Variants in NCKAP5 observed in about 807,000 individuals in gnomAD.
The protein encoded by NCKAP5 is nck-associated protein 5.
In NCKAP5, 92 loss-of-function variants were observed where a neutral mutation model predicts 167.0. The ratio of observed to expected loss-of-function variants is 0.55; its 90% CI spans 0.47 to 0.66. The LOEUF (loss-of-function observed/expected upper bound fraction) is 0.66, where lower values mean the gene tolerates loss of function less well. Among genes scored for constraint, NCKAP5 ranks in the 30% least tolerant of loss-of-function variants. The probability of loss-of-function intolerance (pLI) is 0.00; values close to 1 mark genes in which losing one functional copy is unlikely to be tolerated. For synonymous variants in NCKAP5, 891 were observed against 877.4 expected (o/e 1.02, Z -0.27); for missense variants, 2,378 against 2,315.0 (o/e 1.03, Z -0.56).
At position 133,429,707 on chromosome 2, in the gene NCKAP5, A is replaced by G. The variant is rs539027670; in HGVS notation, c.69+87751T>C. On this transcript the variant is annotated intron_variant, in intron 3 of 19. Transcript: ENST00000409261. ...TTATGTACCACATTTTATTTACCCA[A>G]TCCACCGTTGATGGGCACCTAGGTT... Among the ~76,000 whole-genome samples, 5 of 152,156 alleles carry G rather than the reference A, an allele frequency of 3.3e-5. No individual in the cohort carries two copies. The East Asian group carries it at 7.7e-4, about 23-fold the overall frequency.
chr2:132,786,438 CATAT>C (rs1359882565), intron 13 of NCKAP5, among the ~76,000 whole-genome samples: 1 of 152,190 alleles, frequency 6.6e-6, no homozygotes, highest in Non-Finnish European at 1.5e-5. Flanking sequence ...TACACTCATA[CATAT>C]ACACATACAC....
At chr2:133,389,395 C>T (rs111273455) in intron 3 of NCKAP5, among the ~76,000 whole-genome samples, 45 of 152,316 alleles carry the variant, frequency 3.0e-4, no homozygotes, top group African/African-American at 1.0e-3. Flanking sequence ...TGTCACACCT[C>T]ATAATTTGAG....
chr2:132,781,374 C>G, intron 14 of NCKAP5, 145 bp from the exon 15 acceptor site: 3 of 654,600 alleles, frequency 4.6e-6, no homozygotes, highest in Admixed American at 3.5e-5. Context: ...TCTCATGGGC[C>G]TTGATCAAAT....
At chr2:133,190,289 G>A (rs1180723702) in intron 5 of NCKAP5, among the ~76,000 whole-genome samples, 1 of 152,128 alleles carries the variant, frequency 6.6e-6, no homozygotes, top group Non-Finnish European at 1.5e-5. Flanking sequence ...ACAAACAAAT[G>A]GAAGAACATT....
chr2:133,606,323 C>G, the NCKAP5 span, among the ~76,000 whole-genome samples: 1 of 152,124 alleles, frequency 6.6e-6, no homozygotes, highest in African/African-American at 2.4e-5. Context: ...AAATAAGTTT[C>G]CTACTTTACT....
chr2:133,398,860 G>T (rs1687919470), intron 3 of NCKAP5, among the ~76,000 whole-genome samples: 1 of 152,104 alleles, frequency 6.6e-6, no homozygotes, highest in South Asian at 2.1e-4. Context: ...GGCCCGACAG[G>T]GTTTAAACAC....
At chr2:133,516,855 G>T (rs1684044609) in intron 3 of NCKAP5, among the ~76,000 whole-genome samples, 1 of 152,234 alleles carries the variant, frequency 6.6e-6, no homozygotes, top group Non-Finnish European at 1.5e-5. Context: ...TGTTGGCCCA[G>T]AGACTGCAGA....
chr2:132,867,925 T>C (rs936068343), intron 10 of NCKAP5, among the ~76,000 whole-genome samples: 1 of 152,206 alleles, frequency 6.6e-6, no homozygotes, highest in African/African-American at 2.4e-5. Flanking sequence ...TGGAAGCAGT[T>C]AAAATTATTT....
At chr2:133,338,913 G>A (rs560650429) in intron 3 of NCKAP5, among the ~76,000 whole-genome samples, 8 of 152,222 alleles carry the variant, frequency 5.3e-5, no homozygotes, top group South Asian at 2.1e-4. Flanking sequence ...CCAGATACTC[G>A]GGAGGCTGAG....
At chr2:132,703,688 G>C (rs758254031) in intron 19 of NCKAP5, among the ~76,000 whole-genome samples, 12 of 152,062 alleles carry the variant, frequency 7.9e-5, no homozygotes, top group Non-Finnish European at 1.5e-4. Context: ...TTACTGACTG[G>C]GTCATTCATT....
Position 133,434,103 on chromosome 2 carries a change from C to A in NCKAP5, c.69+83355G>T, listed in dbSNP as rs543116960. Among the ~76,000 whole-genome samples, 3 of 150,626 alleles carry A rather than the reference C, an allele frequency of 2.0e-5. No homozygotes were observed. In the East Asian group the frequency reaches 5.8e-4, roughly 29 times the overall value. The stretch of plus-strand genomic sequence containing the variant: ...CACTCATTGCTTAAATACTTGGAAT[C>A]AAAAAAAAATTCTAAGAATGCTTAT... On this transcript the variant is annotated intron_variant, in intron 3 of 19. Coordinates refer to ENST00000409261, the MANE Select transcript of NCKAP5 (RefSeq NM_207363.3).
At chr2:133,671,748 A>G in the NCKAP5 span, among the ~76,000 whole-genome samples, 134 of 152,112 alleles carry the variant, frequency 8.8e-4, 5 homozygotes, top group East Asian at 0.023. Flanking sequence ...CACAACAACA[A>G]CAACAACAAC....
At chr2:133,560,773 G>A (rs1011185429) in intron 1 of NCKAP5, among the ~76,000 whole-genome samples, 3 of 152,212 alleles carry the variant, frequency 2.0e-5, no homozygotes, top group African/African-American at 7.2e-5. Context: ...TATAGAGTGA[G>A]AAGATTCTTG....
intron 5 of NCKAP5, among the ~76,000 whole-genome samples, chr2:133,159,645 G>C (rs1210564569): frequency 6.6e-6 from 1 of 152,186 alleles, no homozygotes; most frequent in Non-Finnish European, 1.5e-5. Flanking sequence ...GTTTTGAAAG[G>C]ATTCAGAGGA....
chr2:133,017,094 A>G (rs1044985087), intron 6 of NCKAP5, among the ~76,000 whole-genome samples: 4 of 152,344 alleles, frequency 2.6e-5, no homozygotes, highest in South Asian at 2.1e-4. Flanking sequence ...CCTGACAAAC[A>G]TAATATGAAC....
At chr2:133,020,320 T>G (rs1272992257) in intron 6 of NCKAP5, among the ~76,000 whole-genome samples, 3 of 152,232 alleles carry the variant, frequency 2.0e-5, no homozygotes, top group Non-Finnish European at 4.4e-5. Flanking sequence ...AAAAGAGGTG[T>G]TTGAAAAGCT....
chr2:133,561,822 C>T (rs1022731648), intron 1 of NCKAP5, among the ~76,000 whole-genome samples: 6 of 152,084 alleles, frequency 3.9e-5, no homozygotes, highest in East Asian at 1.9e-4. Context: ...TATATGTCAA[C>T]GGGCTGTTGG....
chr2:133,397,217 G>A (rs779785404), intron 3 of NCKAP5, among the ~76,000 whole-genome samples: 11 of 152,122 alleles, frequency 7.2e-5, no homozygotes, highest in Non-Finnish European at 1.3e-4. Flanking sequence ...AACGAAATGC[G>A]TTTCTTGTTC....
At chr2:133,505,739 G>A (rs1322084390) in intron 3 of NCKAP5, among the ~76,000 whole-genome samples, 2 of 152,176 alleles carry the variant, frequency 1.3e-5, no homozygotes, top group Non-Finnish European at 1.5e-5. Flanking sequence ...CTGCATTACA[G>A]GGCATCTATT....
Sources: allele counts gnomAD v4.1 joint callset (sites outside exome capture counted in the v4.1 genomes callset), GRCh38; gene constraint gnomAD v4.1.1; transcripts MANE v1.5; gene names NCBI Gene and HGNC (gene_info 2026-07-23, HGNC 2026-07-21).